Variants in AIFM1 observed in about 807,000 individuals in gnomAD.
AIFM1 encodes apoptosis-inducing factor 1, mitochondrial.
A neutral mutation model predicts 51.7 loss-of-function variants in AIFM1; 3 were observed. The observed-to-expected ratio is 0.06, with a 90% CI of 0.03 to 0.15. AIFM1 has a LOEUF of 0.15. AIFM1 is among the 10% of genes least tolerant of loss of function. The probability of loss-of-function intolerance (pLI) is 1.00; values close to 1 mark genes in which losing one functional copy is unlikely to be tolerated. For synonymous variants in AIFM1, 178 were observed against 179.4 expected (o/e 0.99, Z 0.06); for missense variants, 330 against 476.8 (o/e 0.69, Z 2.87).
At chrX:130,144,368 C>G (rs763902790) in intron 6 of AIFM1, among the ~76,000 whole-genome samples, 20 of 111,830 alleles carry the variant, frequency 1.8e-4, no homozygotes, top group Admixed American at 3.8e-4. Context: ...AGAAAAAGCT[C>G]TTTCACGCAA....
At chrX:130,163,971 T>C (rs1203002116) in intron 1 of AIFM1, among the ~76,000 whole-genome samples, 2 of 94,315 alleles carry the variant, frequency 2.1e-5, no homozygotes, top group Non-Finnish European at 4.1e-5. Flanking sequence ...CTGGTTAACA[T>C]GGTGAAACCT....
chrX:130,157,643 T>C (rs2031205098), intron 1 of AIFM1, among the ~76,000 whole-genome samples: 2 of 112,137 alleles, frequency 1.8e-5, no homozygotes, highest in Admixed American at 1.9e-4. Context: ...AATTTTCATG[T>C]GTCACGAAAT....
intron 12 of AIFM1, among the ~76,000 whole-genome samples, chrX:130,134,258 T>A (rs1020995759): frequency 9.2e-6 from 1 of 109,285 alleles, no homozygotes; most frequent in Non-Finnish European, 1.9e-5. Context: ...GAAAAAAAAA[T>A]CTATTCTGCT....
In AIFM1 at chrX:130,131,859, T is replaced by C. The variant is rs186297906; in HGVS notation, c.1449-60A>G. ...CTGTAAGGAATGACACGGTAGCACA[T>C]ATTCTCCATGACACTGCATTTTTTT... is the stretch of plus-strand genomic sequence containing the variant. On this transcript the variant is annotated intron_variant, in intron 13 of 15. Transcript: ENST00000287295. 759 of 1,185,571 alleles carry C rather than the reference T, an allele frequency of 6.4e-4. 8 individuals carry two copies. The African/African-American group carries it at 0.012, about 19-fold the overall frequency.
At chrX:130,146,810 A>G (rs915795050) in intron 5 of AIFM1, among the ~76,000 whole-genome samples, 2 of 111,698 alleles carry the variant, frequency 1.8e-5, no homozygotes, top group Non-Finnish European at 3.8e-5. Context: ...GCTGTCAAAG[A>G]GAGTGCCGTT....
At chrX:130,139,915 G>A (rs777762475) in intron 7 of AIFM1, 44 bp from the exon 8 acceptor site, 1 of 1,097,552 alleles carries the variant, frequency 9.1e-7, no homozygotes, top group South Asian at 1.8e-5. Context: ...ACAAGCAGGA[G>A]CCAGCCCAAA....
At position 130,149,462 on chromosome X, in the gene AIFM1, T is replaced by C; in HGVS notation, c.349+7A>G. ...CAAATCATAGCAAGACTTAAGGGAA[T>C]ACTCACCAGATAACGCGGCCTTTTT... On this transcript the variant is annotated splice_region_variant and intron_variant, in intron 3 of 15. Transcript: ENST00000287295. 8.4e-7 allele frequency: 1 copy of C among 1,194,340 alleles called. No individual in the cohort carries two copies. The highest frequency in any genetic ancestry group is 1.7e-5 in the African/African-American group (1 of 57,414).
chrX:130,156,673 T>C (rs1188372454), intron 1 of AIFM1, 70 bp from the exon 2 acceptor site: 3 of 1,099,295 alleles, frequency 2.7e-6, no homozygotes, highest in Admixed American at 4.4e-5. Flanking sequence ...TATGATTAAA[T>C]GTCAATGCAC....
Position 130,149,478 on chromosome X carries a change from C to A in AIFM1, c.340G>T (p.Ala114Ser). The A allele has an allele frequency of 8.3e-7, 1 of 1,206,279 alleles. No homozygotes were observed. The highest frequency in any genetic ancestry group is 1.1e-6 in the Non-Finnish European group (1 of 890,634). Residue 114 changes from alanine (A) to serine (S), a missense_variant, in exon 3 of 16, where the codon GCG (alanine) becomes TCG (serine). Ala to Ser is a moderately conservative substitution (Grantham distance 99). Around this residue, in one of 4 missense-constraint regions of AIFM1, gnomAD observed 110 missense variants for 103.1 expected, o/e 1.07. Coordinates refer to ENST00000287295, the MANE Select transcript of AIFM1 (RefSeq NM_004208.4). ...TTAAGGGAATACTCACCAGATAACGCGGCCTTTTTCTGTTTCTGTTCTGGT... is the reference window on the plus strand; with the variant it reads ...TTAAGGGAATACTCACCAGATAACGAGGCCTTTTTCTGTTTCTGTTCTGGT... ...LTPEQKQKKA[A>S]LSASEGEEVP...
chrX:130,133,171 G>C, intron 13 of AIFM1, 142 bp downstream of exon 13: 1 of 739,940 alleles, frequency 1.4e-6, no homozygotes, highest in Non-Finnish European at 2.1e-6. Flanking sequence ...CCTGAGGGTA[G>C]AATGTGTGGA....
chrX:130,130,851 C>T (rs139484016), intron 14 of AIFM1, among the ~76,000 whole-genome samples: 1,571 of 112,108 alleles, frequency 0.014, 15 homozygotes, highest in Middle Eastern at 0.037. Flanking sequence ...CTGAGAACCA[C>T]CAGCCTCCAA....
At chrX:130,156,343 A>G (rs1192224713) in intron 2 of AIFM1, 118 bp downstream of exon 2, 1 of 1,023,596 alleles carries the variant, frequency 9.8e-7, no homozygotes, top group Admixed American at 2.4e-5. Flanking sequence ...GGCTTTTTGA[A>G]AATTTTTCCA....
chrX:130,158,829 T>C (rs771210253), intron 1 of AIFM1, among the ~76,000 whole-genome samples: 19 of 111,073 alleles, frequency 1.7e-4, no homozygotes, highest in Admixed American at 5.8e-4. Context: ...CTTATGTCCC[T>C]GTCCTGTCTA....
intron 9 of AIFM1, chrX:130,137,501 G>GA (rs1569417641): frequency 8.6e-7 from 1 of 1,165,488 alleles, no homozygotes; most frequent in African/African-American, 1.8e-5. Flanking sequence ...GCATCCTCCT[G>GA]AAAAGATGCC....
In AIFM1 at chrX:130,133,692, G is replaced by A. The variant is rs1045488952; in HGVS notation, c.1306-237C>T. 4.6e-5 allele frequency among the ~76,000 whole-genome samples: 5 copies of A among 108,893 alleles called. No homozygotes were observed. The East Asian group carries it at 8.7e-4, about 19-fold the overall frequency. 94.6% of individuals were successfully genotyped at this position (108,893 alleles called of 115,157 possible). ...TGCCTGGGCTGGAGTGCAGTGGTGC[G>A]ATCATGGCTCACCACAGCCTGGACC... On this transcript the variant is annotated intron_variant, in intron 12 of 15. Coordinates refer to ENST00000287295, the MANE Select transcript of AIFM1 (RefSeq NM_004208.4).
chrX:130,131,714 T>C lies in AIFM1; in HGVS notation c.1534A>G (p.Thr512Ala), dbSNP rs369259253. The C allele has an allele frequency of 5.0e-6, 6 of 1,210,578 alleles. No individual in the cohort carries two copies. The African/African-American group carries it at 5.2e-5, about 11-fold the overall frequency. Residue 512 changes from threonine to alanine, a missense_variant, in exon 14 of 16, where the codon ACT (threonine) becomes GCT (alanine). Around this residue, in one of 4 missense-constraint regions of AIFM1, gnomAD observed 56 missense variants for 48.8 expected, o/e 1.15. Transcript: ENST00000287295. ...LPTVGVFAKA[T>A]AQDNPKSATE... Reference sequence around the variant, plus strand: ...GCAGATTTGGGGTTGTCTTGTGCAGTTGCTTTTGCAAAAACACCAACTGTG... The same window carrying C: ...GCAGATTTGGGGTTGTCTTGTGCAGCTGCTTTTGCAAAAACACCAACTGTG...
At chrX:130,156,994 T>A (rs1382368461) in intron 1 of AIFM1, among the ~76,000 whole-genome samples, 15 of 111,689 alleles carry the variant, frequency 1.3e-4, no homozygotes, top group Non-Finnish European at 2.4e-4. Flanking sequence ...TAACAACCAT[T>A]TAAGGAGTAA....
intron 2 of AIFM1, 32 bp downstream of exon 2, chrX:130,156,429 A>G (rs1265137793): frequency 8.3e-7 from 1 of 1,210,457 alleles, no homozygotes; most frequent in Admixed American, 2.2e-5. Context: ...GCTGTTTGGC[A>G]GCTTCTTTAT....
chrX:130,161,975 T>C (rs181525953), intron 1 of AIFM1, among the ~76,000 whole-genome samples: 128 of 112,097 alleles, frequency 1.1e-3, no homozygotes, highest in African/African-American at 3.4e-3. Context: ...TAGTAATAAC[T>C]ATAGTACAGC....
Sources: allele counts gnomAD v4.1 joint callset (sites outside exome capture counted in the v4.1 genomes callset), GRCh38; gene constraint gnomAD v4.1.1; regional missense constraint gnomAD v4.1.1; transcripts MANE v1.5; gene names NCBI Gene and HGNC (gene_info 2026-07-23, HGNC 2026-07-21).